CFAP69: variants seen among roughly 807,000 people sequenced by gnomAD.
The protein encoded by CFAP69 is cilia- and flagella-associated protein 69.
A neutral mutation model predicts 123.0 loss-of-function variants in CFAP69; 92 were observed. The ratio of observed to expected loss-of-function variants is 0.75; its 90% CI spans 0.63 to 0.89. CFAP69 has a LOEUF of 0.89. CFAP69 is among the 40% of genes least tolerant of loss of function. CFAP69 has a pLI of 0.00. For missense variants in CFAP69, 1,067 were observed against 1,096.9 expected, an observed-to-expected ratio of 0.97 and a Z score of 0.39; for synonymous variants, 380 against 364.3, an observed-to-expected ratio of 1.04 and a Z score of -0.49.
At chr7:90,258,465 C>T (rs545081140) in intron 3 of CFAP69, among the ~76,000 whole-genome samples, 1 of 152,126 alleles carries the variant, frequency 6.6e-6, no homozygotes, top group African/African-American at 2.4e-5. Flanking sequence ...CTCTTCCCCC[C>T]ACTGGCATCA....
At position 90,307,025 on chromosome 7, in the gene CFAP69, C is replaced by T. The variant is rs2117442601; in HGVS notation, c.2390C>T (p.Ala797Val). ...TASENIGKMV[A>V]SLQSDIIESQ... ...TCAGAAAATATTGGAAAGATGGTTG[C>T]TTCTCTGCAAAGTGATATAATTGAA... The change falls in exon 20 of 23, where the codon GCT becomes GTT. Residue 797 changes from alanine to valine, a missense_variant. Transcript: ENST00000389297. 6.2e-6 allele frequency: 10 copies of T among 1,613,432 alleles called. No homozygotes were observed. The highest frequency in any genetic ancestry group is 2.2e-5 in the East Asian group (1 of 44,790).
rs190622414 is a variant in CFAP69 at position 90,268,221 on chromosome 7, G to A, written c.434-65G>A. 167 of 942,698 alleles carry A rather than the reference G, an allele frequency of 1.8e-4. No homozygotes were observed. In the East Asian group the frequency reaches 1.9e-3, roughly 11 times the overall value. 58.4% of individuals were successfully genotyped at this position (942,698 alleles called of 1,614,324 possible). A position where few individuals can be genotyped will look rare whatever the true frequency, so the allele number is the denominator to read the frequency against. ...AATCATCATATTATTAACATTTTAT[G>A]CCTAAATTCTACAAATAAGCTTATG... On this transcript the variant is annotated intron_variant, in intron 5 of 22. Transcript: ENST00000389297.
intron 13 of CFAP69, among the ~76,000 whole-genome samples, chr7:90,284,920 G>T (rs921175623): frequency 1.3e-5 from 2 of 152,140 alleles, no homozygotes; most frequent in Admixed American, 6.5e-5. Context: ...GCCTCAAAGG[G>T]TTTTGATTAG....
At chr7:90,302,905 G>A (rs1172881124) in intron 17 of CFAP69, 1 of 152,050 alleles carries the variant, frequency 6.6e-6, no homozygotes, top group East Asian at 1.9e-4. Context: ...AATTGCTTTG[G>A]GCAGTATAAC....
chr7:90,262,578 G>A (rs1442292551), intron 4 of CFAP69, among the ~76,000 whole-genome samples: 2 of 152,024 alleles, frequency 1.3e-5, no homozygotes, highest in African/African-American at 4.8e-5. Context: ...TCTTTCTACT[G>A]TTGGTTCTCT....
In CFAP69 at chr7:90,262,066, C is replaced by A. The variant is rs572775309; in HGVS notation, c.356+10C>A. ...TCATAAAACTGTGTGGGTAAGTTAT[C>A]TTTCTTTAACTTTATTTTGTAGTAA... On this transcript the variant is annotated intron_variant, in intron 4 of 22. Transcript: ENST00000389297. 6.9e-7 allele frequency: 1 copy of A among 1,454,412 alleles called. No homozygotes were observed. The highest frequency in any genetic ancestry group is 2.0e-5 in the Admixed American group (1 of 51,010). The allele number at this position is 1,454,412 out of a possible 1,614,324, so 90.1% of individuals were successfully genotyped here. A position where few individuals can be genotyped will look rare whatever the true frequency, so the allele number is the denominator to read the frequency against.
At chr7:90,256,980 A>C (rs1797724923) in intron 2 of CFAP69, among the ~76,000 whole-genome samples, 1 of 152,220 alleles carries the variant, frequency 6.6e-6, no homozygotes, top group South Asian at 2.1e-4. Context: ...TTTAGAAGTT[A>C]AAAATACAAT....
At chr7:90,267,159 A>C (rs1404130852) in intron 5 of CFAP69, among the ~76,000 whole-genome samples, 1 of 152,152 alleles carries the variant, frequency 6.6e-6, no homozygotes, top group Non-Finnish European at 1.5e-5. Flanking sequence ...AGTCCGAAAA[A>C]TAAATAAAAT....
At chr7:90,260,887 G>A (rs1326292919) in intron 3 of CFAP69, among the ~76,000 whole-genome samples, 1 of 152,046 alleles carries the variant, frequency 6.6e-6, no homozygotes, top group Non-Finnish European at 1.5e-5. Flanking sequence ...CAAAGTTAGA[G>A]AAGTATCTTG....
chr7:90,304,959 T>C (rs944058836), intron 19 of CFAP69, 139 bp downstream of exon 19: 6 of 651,436 alleles, frequency 9.2e-6, no homozygotes, highest in Middle Eastern at 8.7e-4. Context: ...TCTGATGCTG[T>C]TGAAGAAATA....
At chr7:90,319,446 A>T in the CFAP69 span, 2 of 398,638 alleles carry the variant, frequency 5.0e-6, no homozygotes, top group South Asian at 2.5e-4. Flanking sequence ...AGCAGTCTAC[A>T]TACATGTCCC....
intron 9 of CFAP69, 140 bp from the exon 10 acceptor site, chr7:90,276,933 T>C: frequency 1.7e-6 from 1 of 579,940 alleles, no homozygotes; most frequent in East Asian, 3.2e-5. Flanking sequence ...CACTCTTTAT[T>C]ACTATTCATG....
In CFAP69 at chr7:90,309,272, A is replaced by G; in HGVS notation, c.2560A>G (p.Ser854Gly). Reference sequence around the variant, plus strand: ...ATTTAAAAATCCTCAGAAAGCAAAAAGCCTTCAAGAAAAAGCTATAGAAGC... The same window carrying G: ...ATTTAAAAATCCTCAGAAAGCAAAAGGCCTTCAAGAAAAAGCTATAGAAGC... ...SNAKTLKKAK[S>G]LQEKAIEASR... The change falls in exon 22 of 23, where the codon AGC (serine) becomes GGC (glycine). Residue 854 changes from serine (S) to glycine (G), a missense_variant. Transcript: ENST00000389297. The G allele has an allele frequency of 6.7e-7, 1 of 1,503,704 alleles. No individual in the cohort carries two copies. Among genetic ancestry groups the G allele is most frequent in the Non-Finnish European group, 9.0e-7 (1 of 1,115,008 alleles). The allele number at this position is 1,503,704 out of a possible 1,614,324, so 93.1% of individuals were successfully genotyped here.
chr7:90,284,866 G>A (rs886517232), intron 13 of CFAP69, among the ~76,000 whole-genome samples: 1 of 152,204 alleles, frequency 6.6e-6, no homozygotes, highest in African/African-American at 2.4e-5. Flanking sequence ...TGAGTTTTGA[G>A]TGATTGACAG....
chr7:90,300,095 A>G (rs896831135), intron 17 of CFAP69, 36 bp downstream of exon 17: 1 of 1,430,098 alleles, frequency 7.0e-7, no homozygotes, highest in African/African-American at 1.5e-5. Flanking sequence ...GAAGCAATTA[A>G]TGTATATATT....
At chr7:90,314,871 C>CG (rs577718677), downstream of CFAP69, among the ~76,000 whole-genome samples, 8 of 151,570 alleles carry the variant, frequency 5.3e-5, no homozygotes, top group South Asian at 1.7e-3. Flanking sequence ...CGCTCCCCCC[C>CG]CTGCTTTAAA....
intron 2 of CFAP69, among the ~76,000 whole-genome samples, chr7:90,256,552 T>C (rs988963322): frequency 6.6e-6 from 1 of 151,516 alleles, no homozygotes; most frequent in African/African-American, 2.4e-5. Flanking sequence ...TTTAAGTAAG[T>C]GGGTTGACCA....
chr7:90,319,065 A>C, the CFAP69 span: 1 of 266,730 alleles, frequency 3.7e-6, no homozygotes, highest in East Asian at 6.8e-5. Context: ...GAATAATTAC[A>C]GGGTTAAATG....
In CFAP69 at chr7:90,282,878, CT is replaced by C; in HGVS notation, c.1373-9del. 1 of 1,440,524 alleles carries C rather than the reference CT, an allele frequency of 6.9e-7. No homozygotes were observed. Among genetic ancestry groups the C allele is most frequent in the Non-Finnish European group, 9.2e-7 (1 of 1,090,644 alleles). 89.2% of individuals were successfully genotyped at this position (1,440,524 alleles called of 1,614,324 possible). A position where few individuals can be genotyped will look rare whatever the true frequency, so the allele number is the denominator to read the frequency against. On this transcript the variant is annotated splice_polypyrimidine_tract_variant and intron_variant, in intron 12 of 22. Coordinates refer to ENST00000389297, the MANE Select transcript of CFAP69 (RefSeq NM_001039706.3). ...GAAATGTTTTTGTTTTAAATTATCA[CT>C]TTTTCTCCACAGATCCGTTTTTCAG... is the stretch of plus-strand genomic sequence containing the variant.
Sources: gnomAD v4.1 joint callset for allele counts (sites outside exome capture counted in the v4.1 genomes callset) on GRCh38, gnomAD v4.1.1 for gene constraint, MANE v1.5 for transcripts, NCBI Gene and HGNC (gene_info 2026-07-23, HGNC 2026-07-21) for gene names.